Variants in TAF3 observed in about 807,000 individuals in gnomAD.
TAF3 encodes TATA-box binding protein associated factor 3, also known as transcription initiation factor TFIID subunit 3.
A neutral mutation model predicts 80.6 loss-of-function variants in TAF3; 7 were observed. That is an observed-to-expected ratio of 0.09 (90% CI 0.05 to 0.16). The LOEUF (loss-of-function observed/expected upper bound fraction) is 0.16. Ranked by LOEUF, TAF3 falls within the 10% of genes least tolerant of loss-of-function variation. The pLI is 1.00. For missense variants in TAF3, 921 were observed against 1,140.2 expected (o/e 0.81, Z 2.77); for synonymous variants, 444 against 446.1 (o/e 1.00, Z 0.06).
intron 2 of TAF3, among the ~76,000 whole-genome samples, chr10:7,915,513 C>G (rs1187187569): frequency 6.6e-6 from 1 of 151,186 alleles, no homozygotes; most frequent in Non-Finnish European, 1.5e-5. Flanking sequence ...CATGGTGGTG[C>G]GCGCCCGTAG....
At chr10:7,975,413 G>A (rs947102415) in intron 3 of TAF3, among the ~76,000 whole-genome samples, 3 of 152,180 alleles carry the variant, frequency 2.0e-5, no homozygotes, top group African/African-American at 7.2e-5. Context: ...ACAGGCACTA[G>A]AAAATAGCAG....
chr10:7,865,446 T>C (rs550468705), intron 2 of TAF3, among the ~76,000 whole-genome samples: 2 of 152,158 alleles, frequency 1.3e-5, no homozygotes, highest in South Asian at 2.1e-4. Context: ...GCCTCTGCAC[T>C]CCAGCCTGGG....
chr10:7,820,586 C>T (rs1836681328), intron 1 of TAF3, among the ~76,000 whole-genome samples: 1 of 152,254 alleles, frequency 6.6e-6, no homozygotes, highest in African/African-American at 2.4e-5. Flanking sequence ...CCTCGAACTT[C>T]AGGGCTCAAG....
At chr10:7,837,823 AAAT>A (rs1413603358) in intron 2 of TAF3, among the ~76,000 whole-genome samples, 3 of 152,178 alleles carry the variant, frequency 2.0e-5, no homozygotes, top group Admixed American at 1.3e-4. Flanking sequence ...TGTCTCAAAA[AAAT>A]AAAAAGGGAA....
chr10:7,955,656 A>C (rs1003128433), intron 2 of TAF3, among the ~76,000 whole-genome samples: 1 of 152,208 alleles, frequency 6.6e-6, no homozygotes, highest in Admixed American at 6.5e-5. Flanking sequence ...GGCATTTACT[A>C]TTCTAGTTAA....
intron 4 of TAF3, among the ~76,000 whole-genome samples, chr10:8,007,141 A>G (rs934946129): frequency 4.6e-5 from 7 of 152,146 alleles, no homozygotes; most frequent in African/African-American, 1.7e-4. Flanking sequence ...AATGTCTCCT[A>G]CTTTCAGTAG....
At chr10:7,892,005 A>G (rs1300019728) in intron 2 of TAF3, among the ~76,000 whole-genome samples, 2 of 152,188 alleles carry the variant, frequency 1.3e-5, no homozygotes, top group Admixed American at 1.3e-4. Flanking sequence ...CTTATGACCA[A>G]TTTTCATTAA....
chr10:7,926,461 T>C (rs1213678489), intron 2 of TAF3, among the ~76,000 whole-genome samples: 2 of 152,224 alleles, frequency 1.3e-5, no homozygotes, highest in Middle Eastern at 3.2e-3. Flanking sequence ...GTCCATATAG[T>C]ATAAACAGAA....
intron 2 of TAF3, among the ~76,000 whole-genome samples, chr10:7,826,848 TA>T (rs946577652): frequency 1.6e-4 from 25 of 152,206 alleles, no homozygotes; most frequent in African/African-American, 2.2e-4. Flanking sequence ...CAATCTGAAA[TA>T]TTTTTTTTTC....
At chr10:7,900,338 T>G (rs1239609881) in intron 2 of TAF3, among the ~76,000 whole-genome samples, 1 of 152,244 alleles carries the variant, frequency 6.6e-6, no homozygotes, top group Non-Finnish European at 1.5e-5. Context: ...GGCATTTGTT[T>G]CAAAATCATT....
At position 8,013,939 on chromosome 10, in the gene TAF3, A is replaced by G. The variant is rs1832079868; in HGVS notation, c.2675+102A>G. 15 of 987,492 alleles carry G rather than the reference A, an allele frequency of 1.5e-5. No individual in the cohort carries two copies. In the South Asian group the frequency reaches 1.7e-4, roughly 11 times the overall value. The allele number at this position is 987,492 out of a possible 1,614,324, so 61.2% of individuals were successfully genotyped here. On this transcript the variant is annotated intron_variant, in intron 6 of 6. Coordinates refer to ENST00000344293, the MANE Select transcript of TAF3 (RefSeq NM_031923.4). ...TAGATTCCTGCCTTTGGACTGACCC[A>G]GGGCTGTCCTAGGGACAGTACATGG...
intron 4 of TAF3, among the ~76,000 whole-genome samples, chr10:7,986,017 C>G (rs996020347): frequency 6.6e-6 from 1 of 152,148 alleles, no homozygotes; most frequent in Non-Finnish European, 1.5e-5. Context: ...CTCCTGACCT[C>G]ATGTGATCCA....
In TAF3 at chr10:8,015,554, A is replaced by T. The variant is rs951363844; in HGVS notation, c.*803A>T. 6.6e-6 allele frequency: 1 copy of T among 152,136 alleles called. No homozygotes were observed. Among genetic ancestry groups the T allele is most frequent in the Non-Finnish European group, 1.5e-5 (1 of 68,032 alleles). 9.4% of individuals were successfully genotyped at this position (152,136 alleles called of 1,614,324 possible). On this transcript the variant is annotated 3_prime_UTR_variant, in exon 7 of 7. Coordinates refer to ENST00000344293, the MANE Select transcript of TAF3 (RefSeq NM_031923.4). ...AATATTTATGAAGTAGTTATTTTTT[A>T]AATTTTTATCGTGTTTAATTCTGGC...
At chr10:7,935,192 G>A (rs933065436) in intron 2 of TAF3, among the ~76,000 whole-genome samples, 1 of 152,092 alleles carries the variant, frequency 6.6e-6, no homozygotes, top group African/African-American at 2.4e-5. Context: ...CATGAGAATC[G>A]CTTGAACCTG....
chr10:7,861,868 G>C (rs1047874458), intron 2 of TAF3, among the ~76,000 whole-genome samples: 1 of 151,958 alleles, frequency 6.6e-6, no homozygotes, highest in African/African-American at 2.4e-5. Flanking sequence ...AAAGTTTTTA[G>C]CTATTTATTT....
intron 2 of TAF3, among the ~76,000 whole-genome samples, chr10:7,921,365 A>G (rs945982476): frequency 4.6e-5 from 7 of 152,092 alleles, no homozygotes; most frequent in East Asian, 1.9e-4. Context: ...TTAGTCATCT[A>G]TTACTTAGCC....
chr10:7,894,218 T>A (rs1225859116), intron 2 of TAF3, among the ~76,000 whole-genome samples: 2 of 152,208 alleles, frequency 1.3e-5, no homozygotes, highest in African/African-American at 4.8e-5. Flanking sequence ...TTTTTTCCAC[T>A]TCTCCTACCC....
intron 2 of TAF3, among the ~76,000 whole-genome samples, chr10:7,958,186 T>G (rs1310294253): frequency 2.0e-5 from 3 of 152,180 alleles, no homozygotes; most frequent in Admixed American, 6.5e-5. Context: ...ACATGTATCT[T>G]ATTCCAAACA....
intron 4 of TAF3, among the ~76,000 whole-genome samples, chr10:7,993,338 C>T (rs1335031663): frequency 6.6e-6 from 1 of 152,132 alleles, no homozygotes; most frequent in African/African-American, 2.4e-5. Flanking sequence ...GCCACTACAC[C>T]CAGCTAATTT....
Sources: gnomAD v4.1 joint callset for allele counts (sites outside exome capture counted in the v4.1 genomes callset) on GRCh38, gnomAD v4.1.1 for gene constraint, MANE v1.5 for transcripts, NCBI Gene and HGNC (gene_info 2026-07-23, HGNC 2026-07-21) for gene names.